Variants in ARL15 observed in about 807,000 individuals in gnomAD.
ARL15 encodes the protein ARF like GTPase 15.
ARL15 carries 19 observed loss-of-function variants against 25.2 expected under a neutral mutation model. The observed-to-expected ratio is 0.75, with a 90% CI of 0.53 to 1.10. The LOEUF is 1.10. ARL15 is among the 50% of genes least tolerant of loss of function. The pLI is 0.00. For missense variants in ARL15, 220 were observed against 246.0 expected, an observed-to-expected ratio of 0.89 and a Z score of 0.71; for synonymous variants, 94 against 86.8, an observed-to-expected ratio of 1.08 and a Z score of -0.46.
At chr5:54,055,053 T>C (rs946207265) in intron 4 of ARL15, among the ~76,000 whole-genome samples, 8 of 152,206 alleles carry the variant, frequency 5.3e-5, no homozygotes, top group Non-Finnish European at 1.0e-4. Context: ...TGGCTTTTAG[T>C]ACATACAGAG....
chr5:54,027,695 C>T (rs1465953348), intron 4 of ARL15, among the ~76,000 whole-genome samples: 2 of 152,136 alleles, frequency 1.3e-5, no homozygotes, highest in African/African-American at 4.8e-5. Context: ...ACCTGGCCAT[C>T]TGCAGCACAC....
intron 4 of ARL15, among the ~76,000 whole-genome samples, chr5:54,003,538 TCAAA>T (rs1434479005): frequency 2.0e-5 from 3 of 152,200 alleles, no homozygotes; most frequent in East Asian, 1.9e-4. Context: ...CTGTTTTCCC[TCAAA>T]CAAAGCCTGA....
intron 4 of ARL15, among the ~76,000 whole-genome samples, chr5:53,925,997 C>CTTTTTTTTT (rs70986651): frequency 6.5e-5 from 8 of 122,746 alleles, no homozygotes; most frequent in Non-Finnish European, 1.0e-4. Flanking sequence ...TTTTTTCTTT[C>CTTTTTTTTT]TTTTTTTTTT....
chr5:54,185,815 C>G (rs1244474318), intron 1 of ARL15, among the ~76,000 whole-genome samples: 1 of 152,050 alleles, frequency 6.6e-6, no homozygotes, highest in Non-Finnish European at 1.5e-5. Context: ...CCAAAGAAAA[C>G]TTATTTTTAT....
chr5:54,285,743 C>T (rs994744440), intron 1 of ARL15, among the ~76,000 whole-genome samples: 2 of 152,168 alleles, frequency 1.3e-5, no homozygotes, highest in African/African-American at 4.8e-5. Flanking sequence ...AAAACCCCTT[C>T]GAATGAGGCC....
intron 3 of ARL15, among the ~76,000 whole-genome samples, chr5:54,116,363 C>T (rs969166126): frequency 6.6e-6 from 1 of 152,118 alleles, no homozygotes; most frequent in Admixed American, 6.5e-5. Context: ...AGGCTACATC[C>T]AGACACTATC....
At chr5:54,195,010 G>A (rs1448170563) in intron 1 of ARL15, among the ~76,000 whole-genome samples, 1 of 152,054 alleles carries the variant, frequency 6.6e-6, no homozygotes, top group African/African-American at 2.4e-5. Context: ...GAGATATCTC[G>A]AGACATTCAG....
chr5:53,995,303 CA>C (rs34234639), intron 4 of ARL15, among the ~76,000 whole-genome samples: 7,363 of 44,666 alleles, frequency 0.16, 19 homozygotes, highest in East Asian at 0.35. Flanking sequence ...GACTCCGTCA[CA>C]AAAAAAAAAA....
At chr5:54,158,012 T>G (rs1754293056) in intron 2 of ARL15, among the ~76,000 whole-genome samples, 1 of 152,172 alleles carries the variant, frequency 6.6e-6, no homozygotes, top group African/African-American at 2.4e-5. Context: ...AAATCTAAAG[T>G]CATACTTTCA....
chr5:53,913,714 A>G (rs934235297), intron 4 of ARL15, among the ~76,000 whole-genome samples: 5 of 152,306 alleles, frequency 3.3e-5, no homozygotes, highest in East Asian at 1.9e-4. Context: ...CTATTCTACT[A>G]CTACTATGAC....
chr5:54,294,829 T>TA (rs1286085360), intron 1 of ARL15, among the ~76,000 whole-genome samples: 3 of 152,258 alleles, frequency 2.0e-5, no homozygotes, highest in Admixed American at 6.5e-5. Context: ...ACTGCAGTTA[T>TA]ATAAAGCAAT....
intron 4 of ARL15, among the ~76,000 whole-genome samples, chr5:53,987,548 T>G (rs1748337235): frequency 6.6e-6 from 1 of 150,446 alleles, no homozygotes; most frequent in African/African-American, 2.5e-5. Flanking sequence ...TTAAAGAGAG[T>G]GAGAAAGAGA....
chr5:54,190,497 A>AT (rs1421181865), intron 1 of ARL15, among the ~76,000 whole-genome samples: 1 of 152,264 alleles, frequency 6.6e-6, no homozygotes, highest in Admixed American at 6.5e-5. Context: ...ACAGAAGTTC[A>AT]TTTTCTCACA....
chr5:54,297,946 C>G (rs1758508955), intron 1 of ARL15, among the ~76,000 whole-genome samples: 1 of 152,162 alleles, frequency 6.6e-6, no homozygotes, highest in African/African-American at 2.4e-5. Flanking sequence ...CCACGCCCGG[C>G]TAATTTTTGT....
intron 1 of ARL15, among the ~76,000 whole-genome samples, chr5:54,180,058 A>G (rs891272697): frequency 6.6e-6 from 1 of 151,618 alleles, no homozygotes; most frequent in African/African-American, 2.4e-5. Context: ...TGTGAGCTGC[A>G]GAGATTTCCA....
At chr5:54,133,108 T>A (rs918300718) in intron 3 of ARL15, among the ~76,000 whole-genome samples, 1 of 152,086 alleles carries the variant, frequency 6.6e-6, no homozygotes, top group Non-Finnish European at 1.5e-5. Context: ...GTTTTTAATA[T>A]CTAATCTAAG....
At chr5:54,121,476 G>A (rs780708890) in intron 3 of ARL15, among the ~76,000 whole-genome samples, 4 of 152,066 alleles carry the variant, frequency 2.6e-5, no homozygotes, top group Admixed American at 6.6e-5. Context: ...TGACATCAAT[G>A]TTTAATTTTA....
intron 1 of ARL15, among the ~76,000 whole-genome samples, chr5:54,283,444 A>G (rs1452003672): frequency 8.6e-6 from 1 of 115,852 alleles, no homozygotes; most frequent in Non-Finnish European, 1.8e-5. Context: ...TCAAATATCA[A>G]CGGTGCTATT....
intron 3 of ARL15, among the ~76,000 whole-genome samples, chr5:54,114,971 A>G (rs1268935867): frequency 2.0e-5 from 3 of 152,214 alleles, no homozygotes; most frequent in Admixed American, 2.0e-4. Flanking sequence ...GTTATGTGTT[A>G]GGGAAACAGT....
Sources: allele counts gnomAD v4.1 joint callset (sites outside exome capture counted in the v4.1 genomes callset), GRCh38; gene constraint gnomAD v4.1.1; transcripts MANE v1.5; gene names NCBI Gene and HGNC (gene_info 2026-07-23, HGNC 2026-07-21).